Variants in CSMD1 observed in about 807,000 individuals in gnomAD.
The protein encoded by CSMD1 is CUB and Sushi multiple domains 1.
In CSMD1, 213 loss-of-function variants were observed where a neutral mutation model predicts 417.5. The ratio of observed to expected loss-of-function variants is 0.51; its 90% confidence interval spans 0.46 to 0.57. The LOEUF is 0.57. CSMD1 is among the 20% of genes least tolerant of loss of function. The probability of loss-of-function intolerance (pLI) is 0.00; values close to 1 mark genes in which losing one functional copy is unlikely to be tolerated. For missense variants in CSMD1, 6,923 were observed against 4,529.7 expected, an observed-to-expected ratio of 1.53 and a Z score of -15.17; for synonymous variants, 2,862 against 1,736.8, an observed-to-expected ratio of 1.65 and a Z score of -16.11.
chr8:3,434,493 C>T (rs967985636), intron 12 of CSMD1, among the ~76,000 whole-genome samples: 8 of 152,138 alleles, frequency 5.3e-5, no homozygotes, highest in Non-Finnish European at 8.8e-5. Context: ...GTTTTCACTG[C>T]ATTTTGTTAT....
intron 7 of CSMD1, among the ~76,000 whole-genome samples, chr8:3,699,154 C>G (rs1410099082): frequency 6.6e-6 from 1 of 152,232 alleles, no homozygotes; most frequent in Admixed American, 6.5e-5. Flanking sequence ...ACTCCTTCAG[C>G]AGTGGGATGG....
chr8:4,320,062 T>C (rs904260389), intron 3 of CSMD1, among the ~76,000 whole-genome samples: 1 of 152,194 alleles, frequency 6.6e-6, no homozygotes. Context: ...ACAAAAGACT[T>C]CGTTGGTTTT....
chr8:4,093,139 A>C (rs957159081), intron 3 of CSMD1, among the ~76,000 whole-genome samples: 4 of 152,222 alleles, frequency 2.6e-5, no homozygotes, highest in African/African-American at 9.6e-5. Flanking sequence ...TAAATTATAC[A>C]AGTCATATTG....
chr8:3,478,077 G>C (rs764806746), intron 11 of CSMD1, among the ~76,000 whole-genome samples: 33 of 152,102 alleles, frequency 2.2e-4, no homozygotes, highest in African/African-American at 7.7e-4. Flanking sequence ...ATTAGAACAA[G>C]CTTTAGATTT....
At chr8:4,883,279 G>C (rs561569268) in intron 1 of CSMD1, among the ~76,000 whole-genome samples, 125 of 152,076 alleles carry the variant, frequency 8.2e-4, no homozygotes, top group African/African-American at 2.9e-3. Flanking sequence ...ATAGATACAA[G>C]ATAAATAGAG....
intron 11 of CSMD1, among the ~76,000 whole-genome samples, chr8:3,489,558 C>T (rs1416379361): frequency 6.6e-6 from 1 of 152,178 alleles, no homozygotes; most frequent in African/African-American, 2.4e-5. Flanking sequence ...ACTCAACAGA[C>T]ATTTGCAAAG....
intron 3 of CSMD1, among the ~76,000 whole-genome samples, chr8:4,200,831 C>G (rs921820650): frequency 6.6e-6 from 1 of 152,162 alleles, no homozygotes; most frequent in South Asian, 2.1e-4. Flanking sequence ...GCACTCTCGC[C>G]TGAGTGACAA....
At chr8:3,589,787 TG>T (rs1800768599) in intron 8 of CSMD1, among the ~76,000 whole-genome samples, 1 of 152,108 alleles carries the variant, frequency 6.6e-6, no homozygotes, top group African/African-American at 2.4e-5. Context: ...TGTGAAGTAA[TG>T]GGTATGTTAA....
chr8:4,570,896 T>A (rs751232133), intron 2 of CSMD1, among the ~76,000 whole-genome samples: 1 of 152,250 alleles, frequency 6.6e-6, no homozygotes, highest in Non-Finnish European at 1.5e-5. Context: ...CAGGAATTTG[T>A]CCATTTCTTC....
intron 5 of CSMD1, among the ~76,000 whole-genome samples, chr8:3,770,757 C>T (rs1798522771): frequency 6.6e-6 from 1 of 152,134 alleles, no homozygotes; most frequent in African/African-American, 2.4e-5. Context: ...ACTCCATTCC[C>T]CGCCAAACCC....
intron 5 of CSMD1, among the ~76,000 whole-genome samples, chr8:3,896,386 A>T (rs568245606): frequency 6.6e-6 from 1 of 152,248 alleles, no homozygotes; most frequent in African/African-American, 2.4e-5. Context: ...ACAGATGTTA[A>T]CAACAGTGAT....
chr8:3,720,620 T>TACACACACACACACACAC (rs1554520854), intron 6 of CSMD1, among the ~76,000 whole-genome samples: 7 of 143,320 alleles, frequency 4.9e-5, no homozygotes, highest in Admixed American at 1.4e-4. Flanking sequence ...TCTTTATTCT[T>TACACACACACACACACAC]ACACACACAC....
chr8:3,415,373 T>C (rs1563365838), intron 12 of CSMD1, among the ~76,000 whole-genome samples: 1 of 152,216 alleles, frequency 6.6e-6, no homozygotes, highest in African/African-American at 2.4e-5. Flanking sequence ...CATTTATTTA[T>C]TTGAAATGGA....
chr8:3,293,405 A>G (rs984663763), intron 25 of CSMD1, among the ~76,000 whole-genome samples: 13 of 152,270 alleles, frequency 8.5e-5, no homozygotes, highest in African/African-American at 3.1e-4. Flanking sequence ...CTCCTGGTTA[A>G]TATCCTGCAG....
chr8:4,116,900 A>G (rs75854915), intron 3 of CSMD1, among the ~76,000 whole-genome samples: 2 of 152,204 alleles, frequency 1.3e-5, no homozygotes, highest in African/African-American at 2.4e-5. Context: ...CTGAAATCAG[A>G]AAGTGAGGTA....
At chr8:4,812,419 C>A (rs79354837) in intron 1 of CSMD1, among the ~76,000 whole-genome samples, 9,278 of 152,134 alleles carry the variant, frequency 0.061, 472 homozygotes, top group East Asian at 0.23. Flanking sequence ...GTGACTTTGT[C>A]AATTTCTAAG....
At chr8:4,005,620 T>A (rs1350312691) in intron 4 of CSMD1, among the ~76,000 whole-genome samples, 2 of 152,250 alleles carry the variant, frequency 1.3e-5, no homozygotes, top group Non-Finnish European at 2.9e-5. Context: ...AAATTCACTC[T>A]CAATTGAGAG....
chr8:4,047,082 A>G (rs1798186051), intron 3 of CSMD1, among the ~76,000 whole-genome samples: 2 of 152,188 alleles, frequency 1.3e-5, no homozygotes, highest in African/African-American at 4.8e-5. Flanking sequence ...GTCTTTAAAA[A>G]TGGTCTCTAT....
At chr8:3,141,222 G>T (rs989637106) in intron 41 of CSMD1, among the ~76,000 whole-genome samples, 3 of 152,138 alleles carry the variant, frequency 2.0e-5, no homozygotes, top group African/African-American at 7.2e-5. Context: ...GGTAACACCC[G>T]TACCTCATCA....
Sources: allele counts gnomAD v4.1 joint callset (sites outside exome capture counted in the v4.1 genomes callset), GRCh38; gene constraint gnomAD v4.1.1; transcripts MANE v1.5; gene names NCBI Gene and HGNC (gene_info 2026-07-23, HGNC 2026-07-21).